Variants in MEGF11 observed in about 807,000 individuals in gnomAD.
MEGF11 encodes the protein multiple EGF like domains 11, also known as multiple epidermal growth factor-like domains protein 11.
MEGF11 carries 126 observed loss-of-function variants against 146.6 expected under a neutral mutation model. The ratio of observed to expected loss-of-function variants is 0.86; its 90% CI spans 0.74 to 1.00. MEGF11 has a LOEUF of 1.00. MEGF11 is among the 50% of genes least tolerant of loss of function. The pLI, the probability that MEGF11 is intolerant of heterozygous loss-of-function variation, is 0.00. For synonymous variants in MEGF11, 532 were observed against 583.4 expected (o/e 0.91, Z 1.27); for missense variants, 1,509 against 1,521.2 (o/e 0.99, Z 0.13).
At chr15:65,923,782 T>A (rs575011298) in intron 13 of MEGF11, among the ~76,000 whole-genome samples, 1 of 152,274 alleles carries the variant, frequency 6.6e-6, no homozygotes, top group African/African-American at 2.4e-5. Context: ...TATAATAGTC[T>A]TTTTGGGCTC....
At chr15:65,959,023 G>T (rs1271694944) in intron 9 of MEGF11, among the ~76,000 whole-genome samples, 3 of 152,242 alleles carry the variant, frequency 2.0e-5, no homozygotes, top group Non-Finnish European at 4.4e-5. Flanking sequence ...TGCCCCGCTG[G>T]ACCATTGGTG....
At chr15:65,919,239 C>T (rs2079097982) in intron 15 of MEGF11, among the ~76,000 whole-genome samples, 1 of 152,196 alleles carries the variant, frequency 6.6e-6, no homozygotes, top group African/African-American at 2.4e-5. Context: ...CCAGACTCTC[C>T]AGTCCAAAGC....
At chr15:66,188,127 C>G (rs1228209722) in intron 1 of MEGF11, among the ~76,000 whole-genome samples, 2 of 152,010 alleles carry the variant, frequency 1.3e-5, no homozygotes. Flanking sequence ...AACACCCCCC[C>G]ATGCCCCATC....
chr15:65,915,672 T>C (rs1052235360), intron 18 of MEGF11, 74 bp from the exon 19 acceptor site: 2 of 1,562,510 alleles, frequency 1.3e-6, no homozygotes, highest in East Asian at 4.5e-5. Context: ...TAGACAGCTA[T>C]GGCAATAAGC....
intron 1 of MEGF11, among the ~76,000 whole-genome samples, chr15:66,199,147 T>C (rs912823684): frequency 6.6e-6 from 1 of 152,022 alleles, no homozygotes; most frequent in Admixed American, 6.6e-5. Context: ...AAAAAACATA[T>C]CTCCTGTCTG....
At chr15:66,169,808 A>G (rs537882996) in intron 1 of MEGF11, among the ~76,000 whole-genome samples, 15 of 152,300 alleles carry the variant, frequency 9.8e-5, no homozygotes, top group African/African-American at 3.6e-4. Context: ...TCCTACCCGC[A>G]GGCGGAGCAG....
chr15:66,028,537 C>T (rs1374990150), intron 5 of MEGF11, among the ~76,000 whole-genome samples: 1 of 152,164 alleles, frequency 6.6e-6, no homozygotes, highest in Non-Finnish European at 1.5e-5. Context: ...AGTAATCCCA[C>T]TTGTAATACT....
intron 5 of MEGF11, among the ~76,000 whole-genome samples, chr15:66,083,004 C>T (rs551748751): frequency 6.6e-6 from 1 of 152,192 alleles, no homozygotes; most frequent in African/African-American, 2.4e-5. Context: ...CTCTGCTTTG[C>T]CCCCTATGTC....
At chr15:66,217,157 T>G (rs572941289) in intron 1 of MEGF11, among the ~76,000 whole-genome samples, 1 of 152,318 alleles carries the variant, frequency 6.6e-6, no homozygotes, top group African/African-American at 2.4e-5. Flanking sequence ...AAACCCCACC[T>G]AAGTCAGGGG....
At chr15:65,979,048 G>T (rs2081547006) in intron 7 of MEGF11, among the ~76,000 whole-genome samples, 1 of 151,962 alleles carries the variant, frequency 6.6e-6, no homozygotes, top group Admixed American at 6.6e-5. Flanking sequence ...GGGGTGGGGT[G>T]GGCACCAGAG....
At chr15:66,150,748 T>C (rs2089535964) in intron 1 of MEGF11, among the ~76,000 whole-genome samples, 1 of 150,608 alleles carries the variant, frequency 6.6e-6, no homozygotes, top group African/African-American at 2.5e-5. Flanking sequence ...TTTTTTCAAA[T>C]GGGGAAATTG....
At chr15:66,115,962 C>T (rs1019270649) in intron 4 of MEGF11, among the ~76,000 whole-genome samples, 3 of 152,174 alleles carry the variant, frequency 2.0e-5, no homozygotes, top group South Asian at 2.1e-4. Context: ...AAACCGCTGC[C>T]GGTGAAGCCG....
intron 1 of MEGF11, among the ~76,000 whole-genome samples, chr15:66,138,514 G>T (rs2088997122): frequency 6.6e-6 from 1 of 152,172 alleles, no homozygotes; most frequent in Non-Finnish European, 1.5e-5. Flanking sequence ...GAGGCTCTTT[G>T]TCCATGACAC....
intron 5 of MEGF11, among the ~76,000 whole-genome samples, chr15:66,082,648 G>C (rs2085936937): frequency 9.9e-6 from 1 of 101,446 alleles, no homozygotes; most frequent in South Asian, 4.1e-4. Context: ...CTGTATTCCA[G>C]CAAGATGGAG....
chr15:65,922,281 C>T, intron 15 of MEGF11, 57 bp downstream of exon 15: 5 of 1,577,902 alleles, frequency 3.2e-6, no homozygotes, highest in Non-Finnish European at 3.4e-6. Flanking sequence ...TTCCCTGCCA[C>T]TTTCCTCCCA....
At chr15:66,245,238 G>T (rs985094307) in intron 1 of MEGF11, among the ~76,000 whole-genome samples, 1 of 152,174 alleles carries the variant, frequency 6.6e-6, no homozygotes, top group African/African-American at 2.4e-5. Flanking sequence ...GCAGGATGCA[G>T]GCAGATTGTT....
chr15:65,933,006 C>CT (rs1192324698), intron 10 of MEGF11, among the ~76,000 whole-genome samples: 3 of 152,090 alleles, frequency 2.0e-5, no homozygotes, highest in Non-Finnish European at 4.4e-5. Flanking sequence ...CTTCTCAACT[C>CT]TAAGGGTCCA....
At chr15:66,130,986 T>C (rs1268133199) in intron 1 of MEGF11, among the ~76,000 whole-genome samples, 1 of 152,178 alleles carries the variant, frequency 6.6e-6, no homozygotes, top group African/African-American at 2.4e-5. Flanking sequence ...TTGGGCACCA[T>C]CTGATTTAGG....
At chr15:66,017,786 CTG>C (rs1056428403) in intron 5 of MEGF11, among the ~76,000 whole-genome samples, 34 of 152,224 alleles carry the variant, frequency 2.2e-4, no homozygotes, top group Admixed American at 2.0e-3. Flanking sequence ...AAAGGGAGCA[CTG>C]TGGCCTAAGA....
Sources: allele counts gnomAD v4.1 joint callset (sites outside exome capture counted in the v4.1 genomes callset), GRCh38; gene constraint gnomAD v4.1.1; transcripts MANE v1.5; gene names NCBI Gene and HGNC (gene_info 2026-07-23, HGNC 2026-07-21).